PLD5: variants seen among roughly 807,000 people sequenced by gnomAD.
PLD5 encodes inactive phospholipase D5.
In PLD5, 36 loss-of-function variants were observed where a neutral mutation model predicts 61.1. The observed-to-expected ratio is 0.59, with a 90% CI of 0.45 to 0.78. The LOEUF is 0.78. Ranked by LOEUF, PLD5 falls within the 30% of genes least tolerant of loss-of-function variation. The probability of loss-of-function intolerance (pLI) is 0.00; values close to 1 mark genes in which losing one functional copy is unlikely to be tolerated. For synonymous variants in PLD5, 243 were observed against 242.8 expected (o/e 1.00, Z -0.01); for missense variants, 515 against 644.4 (o/e 0.80, Z 2.17).
intron 5 of PLD5, among the ~76,000 whole-genome samples, chr1:242,157,466 A>T (rs1665475789): frequency 6.6e-6 from 1 of 151,998 alleles, no homozygotes; most frequent in Admixed American, 6.6e-5. Context: ...GCCTTTTTGG[A>T]CTGGTTTCTT....
chr1:242,241,833 A>G (rs1672027935), intron 4 of PLD5, among the ~76,000 whole-genome samples: 1 of 144,778 alleles, frequency 6.9e-6, no homozygotes, highest in African/African-American at 2.5e-5. Flanking sequence ...AAAATATTGA[A>G]GAAGGCTTTG....
At chr1:242,449,149 C>T (rs904385698) in intron 1 of PLD5, among the ~76,000 whole-genome samples, 3 of 152,172 alleles carry the variant, frequency 2.0e-5, no homozygotes, top group Admixed American at 2.0e-4. Flanking sequence ...GCACCATTAC[C>T]TCTGACATGA....
At chr1:242,326,775 C>CAGCTCACTGTAGCCTTGACCTCCCT (rs1658817002) in intron 2 of PLD5, among the ~76,000 whole-genome samples, 1 of 152,052 alleles carries the variant, frequency 6.6e-6, no homozygotes, top group African/African-American at 2.4e-5. Context: ...GGCATGATCA[C>CAGCTCACTGTAGCCTTGACCTCCCT]AGCTCACTGT....
At chr1:242,431,422 A>G (rs1330052070) in intron 1 of PLD5, among the ~76,000 whole-genome samples, 8 of 152,246 alleles carry the variant, frequency 5.3e-5, no homozygotes, top group Non-Finnish European at 1.0e-4. Context: ...TCGGTTCCAC[A>G]TGATAGATTT....
At chr1:242,150,481 C>T (rs1664850070) in intron 5 of PLD5, among the ~76,000 whole-genome samples, 1 of 151,738 alleles carries the variant, frequency 6.6e-6, no homozygotes, top group South Asian at 2.1e-4. Flanking sequence ...TATTTTAAAG[C>T]TCTCTTTTTA....
At chr1:242,415,483 A>G (rs1276493692) in intron 1 of PLD5, among the ~76,000 whole-genome samples, 2 of 152,032 alleles carry the variant, frequency 1.3e-5, no homozygotes, top group African/African-American at 4.8e-5. Flanking sequence ...AAAGCTAACA[A>G]AAAACAACAG....
chr1:242,373,247 G>A (rs1661744017), intron 1 of PLD5, among the ~76,000 whole-genome samples: 1 of 152,150 alleles, frequency 6.6e-6, no homozygotes, highest in Non-Finnish European at 1.5e-5. Flanking sequence ...AAACCACAAT[G>A]AGATACCATC....
intron 2 of PLD5, among the ~76,000 whole-genome samples, chr1:242,340,882 C>T (rs1319240728): frequency 1.3e-5 from 2 of 152,088 alleles, no homozygotes. Flanking sequence ...CTGAACAATT[C>T]TTTAGTACCA....
At chr1:242,482,710 C>A (rs1314693118) in intron 1 of PLD5, among the ~76,000 whole-genome samples, 3 of 151,728 alleles carry the variant, frequency 2.0e-5, no homozygotes, top group Non-Finnish European at 4.4e-5. Flanking sequence ...ACAGAGAATG[C>A]CACAAAGATA....
At chr1:242,482,320 G>T (rs1667807023) in intron 1 of PLD5, among the ~76,000 whole-genome samples, 1 of 152,158 alleles carries the variant, frequency 6.6e-6, no homozygotes, top group South Asian at 2.1e-4. Context: ...AAAAAGATTA[G>T]ATGAATGGCT....
At chr1:242,175,079 G>A (rs1667035521) in intron 5 of PLD5, among the ~76,000 whole-genome samples, 1 of 151,906 alleles carries the variant, frequency 6.6e-6, no homozygotes. Context: ...GAAAAAGAGG[G>A]AATCCTCCCT....
intron 5 of PLD5, among the ~76,000 whole-genome samples, chr1:242,176,246 C>A (rs545285826): frequency 2.5e-4 from 38 of 152,220 alleles, no homozygotes; most frequent in Middle Eastern, 3.4e-3. Context: ...ACATATAGAA[C>A]AATGGAACAG....
intron 1 of PLD5, among the ~76,000 whole-genome samples, chr1:242,394,912 A>G (rs1301487967): frequency 7.7e-6 from 1 of 129,816 alleles, no homozygotes; most frequent in African/African-American, 2.9e-5. Context: ...ATATGAATAT[A>G]TATGTATATA....
At chr1:242,151,369 A>T (rs1047134874) in intron 5 of PLD5, among the ~76,000 whole-genome samples, 3 of 151,744 alleles carry the variant, frequency 2.0e-5, no homozygotes, top group Non-Finnish European at 4.4e-5. Context: ...CTTAGAGAAA[A>T]TTTTTGTTTT....
intron 1 of PLD5, among the ~76,000 whole-genome samples, chr1:242,354,888 A>G (rs1340785783): frequency 6.6e-6 from 1 of 152,004 alleles, no homozygotes; most frequent in Non-Finnish European, 1.5e-5. Context: ...TGATGATCAT[A>G]TGACTTATTT....
chr1:242,510,844 C>CA (rs879568821), intron 1 of PLD5, among the ~76,000 whole-genome samples: 244 of 119,566 alleles, frequency 2.0e-3, no homozygotes, highest in Middle Eastern at 4.4e-3. Context: ...GACTCTGTCT[C>CA]AAAAAAAAAA....
chr1:242,446,742 C>T (rs1202895301), intron 1 of PLD5, among the ~76,000 whole-genome samples: 1 of 152,032 alleles, frequency 6.6e-6, no homozygotes, highest in African/African-American at 2.4e-5. Flanking sequence ...CAGGTGACAT[C>T]GGGAAGGAAG....
At chr1:242,431,737 C>T (rs1051048908) in intron 1 of PLD5, among the ~76,000 whole-genome samples, 5 of 152,134 alleles carry the variant, frequency 3.3e-5, no homozygotes, top group African/African-American at 9.7e-5. Context: ...TTGGAGAGAA[C>T]CACTGTCCCT....
At position 242,133,319 on chromosome 1, in the gene PLD5, T is replaced by A. The variant is rs116110050; in HGVS notation, c.736-8654A>T. ...GGGCCACTATTTCATTTATGTAGGG[T>A]GTAAACATATAACCAATGGGAAACC... On this transcript the variant is annotated intron_variant, in intron 5 of 9. Transcript: ENST00000536534. Among the ~76,000 whole-genome samples, 826 of 152,254 alleles carry A rather than the reference T, an allele frequency of 5.4e-3. 3 individuals carry two copies. The highest frequency in any genetic ancestry group is 8.4e-3 in the Non-Finnish European group (569 of 68,006).
Sources: allele counts gnomAD v4.1 joint callset (sites outside exome capture counted in the v4.1 genomes callset), GRCh38; gene constraint gnomAD v4.1.1; transcripts MANE v1.5; gene names NCBI Gene and HGNC (gene_info 2026-07-23, HGNC 2026-07-21).